Variants in PDE3A observed in about 807,000 individuals in gnomAD.
The protein encoded by PDE3A is phosphodiesterase 3A.
A neutral mutation model predicts 98.3 loss-of-function variants in PDE3A; 43 were observed. That is an observed-to-expected ratio of 0.44 (90% CI 0.34 to 0.56). The LOEUF (loss-of-function observed/expected upper bound fraction) is 0.56. Ranked by LOEUF, PDE3A falls within the 20% of genes least tolerant of loss-of-function variation. The probability of loss-of-function intolerance (pLI) is 0.01; values close to 1 mark genes in which losing one functional copy is unlikely to be tolerated. For synonymous variants in PDE3A, 663 were observed against 567.9 expected, an observed-to-expected ratio of 1.17 and a Z score of -2.38; for missense variants, 1,427 against 1,440.7, an observed-to-expected ratio of 0.99 and a Z score of 0.15.
intron 2 of PDE3A, among the ~76,000 whole-genome samples, chr12:20,559,000 A>G (rs1592056706): frequency 6.6e-6 from 1 of 152,152 alleles, no homozygotes; most frequent in African/African-American, 2.4e-5. Flanking sequence ...CTCACAAATT[A>G]TGGTTGGAAA....
chr12:20,515,815 C>T (rs1205900526), intron 1 of PDE3A, among the ~76,000 whole-genome samples: 1 of 150,028 alleles, frequency 6.7e-6, no homozygotes, highest in African/African-American at 2.4e-5. Flanking sequence ...TCACTGCAAG[C>T]TCCGCCTCCC....
At chr12:20,536,890 T>C (rs1286436062) in intron 1 of PDE3A, among the ~76,000 whole-genome samples, 1 of 152,128 alleles carries the variant, frequency 6.6e-6, no homozygotes, top group East Asian at 1.9e-4. Flanking sequence ...TTTTCATTTC[T>C]CTGGAATATA....
At chr12:20,489,870 C>T (rs1945800227) in intron 1 of PDE3A, among the ~76,000 whole-genome samples, 4 of 152,120 alleles carry the variant, frequency 2.6e-5, no homozygotes, top group Admixed American at 6.6e-5. Flanking sequence ...GCTCAGGAAA[C>T]ACAGGGCTGT....
intron 15 of PDE3A, among the ~76,000 whole-genome samples, chr12:20,656,404 T>C (rs930449074): frequency 1.6e-4 from 24 of 152,172 alleles, no homozygotes; most frequent in Admixed American, 1.2e-3. Flanking sequence ...ATTTTGCAAA[T>C]TGAGTTTTAG....
At chr12:20,404,390 C>T (rs1021066515) in intron 1 of PDE3A, among the ~76,000 whole-genome samples, 6 of 151,960 alleles carry the variant, frequency 3.9e-5, no homozygotes, top group Admixed American at 2.6e-4. Flanking sequence ...TTAATAAAAT[C>T]ACTTATGTAG....
intron 1 of PDE3A, among the ~76,000 whole-genome samples, chr12:20,505,911 T>C (rs912313635): frequency 6.6e-6 from 1 of 152,040 alleles, no homozygotes; most frequent in Non-Finnish European, 1.5e-5. Flanking sequence ...TATAAGGTGA[T>C]AAGGCGCCAA....
intron 1 of PDE3A, among the ~76,000 whole-genome samples, chr12:20,474,961 CT>C (rs930893873): frequency 3.3e-5 from 5 of 151,342 alleles, no homozygotes; most frequent in Admixed American, 6.6e-5. Context: ...ATAAATTTAT[CT>C]TTTTTTTTAT....
intron 1 of PDE3A, among the ~76,000 whole-genome samples, chr12:20,480,993 G>T (rs531733387): frequency 6.6e-6 from 1 of 152,278 alleles, no homozygotes; most frequent in East Asian, 1.9e-4. Context: ...CATCAATTGT[G>T]GTGGTTACCT....
chr12:20,432,759 A>G (rs1409200569), intron 1 of PDE3A, among the ~76,000 whole-genome samples: 2 of 152,122 alleles, frequency 1.3e-5, no homozygotes. Flanking sequence ...CCTGTGTTAC[A>G]TTTCAAAAGC....
chr12:20,580,829 GC>G (rs1943044943), intron 2 of PDE3A, among the ~76,000 whole-genome samples: 1 of 152,122 alleles, frequency 6.6e-6, no homozygotes, highest in African/African-American at 2.4e-5. Context: ...TAACAAACAC[GC>G]AAATATGCAA....
chr12:20,442,415 C>A (rs542293204), intron 1 of PDE3A, among the ~76,000 whole-genome samples: 3 of 152,318 alleles, frequency 2.0e-5, no homozygotes, highest in Admixed American at 6.5e-5. Flanking sequence ...CTCCACTTGA[C>A]ATGTTCTTTC....
At chr12:20,434,723 T>C (rs1944752866) in intron 1 of PDE3A, among the ~76,000 whole-genome samples, 1 of 152,186 alleles carries the variant, frequency 6.6e-6, no homozygotes. Context: ...GAAATTAAAT[T>C]CCCACAATAT....
intron 1 of PDE3A, among the ~76,000 whole-genome samples, chr12:20,394,325 T>A (rs1012610133): frequency 1.3e-5 from 2 of 152,072 alleles, no homozygotes; most frequent in Admixed American, 1.3e-4. Flanking sequence ...TTGTAACTTA[T>A]AGGGAAATCA....
intron 1 of PDE3A, among the ~76,000 whole-genome samples, chr12:20,529,074 T>C (rs918163520): frequency 6.6e-6 from 1 of 152,162 alleles, no homozygotes; most frequent in Non-Finnish European, 1.5e-5. Context: ...ATGAAAGTCA[T>C]GGCTAGAAAG....
chr12:20,674,779 A>T (rs960795863), intron 15 of PDE3A, among the ~76,000 whole-genome samples: 90 of 151,912 alleles, frequency 5.9e-4, no homozygotes, highest in African/African-American at 2.1e-3. Context: ...TTTCTGTGCT[A>T]TCAGTTATAA....
chr12:20,583,269 A>ACTT (rs1943113363), intron 2 of PDE3A, among the ~76,000 whole-genome samples: 1 of 152,176 alleles, frequency 6.6e-6, no homozygotes, highest in Non-Finnish European at 1.5e-5. Flanking sequence ...TATTTTAAAA[A>ACTT]CTTTATTTTT....
intron 1 of PDE3A, among the ~76,000 whole-genome samples, chr12:20,526,401 G>T (rs1299933667): frequency 1.3e-5 from 2 of 151,886 alleles, no homozygotes; most frequent in East Asian, 3.9e-4. Context: ...TTAAATTTTT[G>T]AACAATGTCT....
intron 1 of PDE3A, among the ~76,000 whole-genome samples, chr12:20,470,618 G>T (rs1273470129): frequency 6.6e-6 from 1 of 152,096 alleles, no homozygotes. Flanking sequence ...ACAATGTAAG[G>T]ATGTAAAAGT....
intron 1 of PDE3A, among the ~76,000 whole-genome samples, chr12:20,419,682 TAATA>T (rs1289514310): frequency 1.3e-5 from 2 of 151,716 alleles, no homozygotes; most frequent in Admixed American, 6.6e-5. Context: ...TGCATTTACT[TAATA>T]AATAATTTAT....
Sources: gnomAD v4.1 joint callset for allele counts (sites outside exome capture counted in the v4.1 genomes callset) on GRCh38, gnomAD v4.1.1 for gene constraint, MANE v1.5 for transcripts, NCBI Gene and HGNC (gene_info 2026-07-23, HGNC 2026-07-21) for gene names.